The following NRXN1 variants were observed in gnomAD, a reference collection of about 807,000 sequenced individuals.
NRXN1 encodes neurexin 1.
In NRXN1, 39 loss-of-function variants were observed where a neutral mutation model predicts 150.9. The observed-to-expected ratio is 0.26, with a 90% CI of 0.20 to 0.34. The LOEUF is 0.34. Among genes scored for constraint, NRXN1 ranks in the 10% least tolerant of loss-of-function variants. The probability of loss-of-function intolerance (pLI) is 1.00; values close to 1 mark genes in which losing one functional copy is unlikely to be tolerated. For missense variants in NRXN1, 1,815 were observed against 1,949.9 expected, an observed-to-expected ratio of 0.93 and a Z score of 1.30; for synonymous variants, 924 against 757.0, an observed-to-expected ratio of 1.22 and a Z score of -3.62.
At chr2:50,325,943 A>G (rs752928929) in intron 17 of NRXN1, among the ~76,000 whole-genome samples, 12 of 152,220 alleles carry the variant, frequency 7.9e-5, no homozygotes, top group Non-Finnish European at 1.0e-4. Flanking sequence ...TAACATTTCA[A>G]AAGAAAACAA....
At chr2:50,161,397 G>C (rs1051961003) in intron 18 of NRXN1, among the ~76,000 whole-genome samples, 1 of 151,992 alleles carries the variant, frequency 6.6e-6, no homozygotes, top group Non-Finnish European at 1.5e-5. Context: ...AAGCAGCCCA[G>C]TATTTCCAGC....
intron 15 of NRXN1, among the ~76,000 whole-genome samples, chr2:50,478,586 G>C (rs569515222): frequency 2.0e-5 from 3 of 152,226 alleles, no homozygotes; most frequent in South Asian, 4.1e-4. Flanking sequence ...ATACATCTTA[G>C]TCTCCCTTGG....
At chr2:51,012,073 C>G (rs529375320) in intron 2 of NRXN1, among the ~76,000 whole-genome samples, 1 of 151,992 alleles carries the variant, frequency 6.6e-6, no homozygotes, top group Admixed American at 6.6e-5. Flanking sequence ...GTCTACCAGC[C>G]CACCCCACTA....
chr2:50,149,401 A>T (rs2058567246), intron 18 of NRXN1, among the ~76,000 whole-genome samples: 1 of 151,778 alleles, frequency 6.6e-6, no homozygotes, highest in Non-Finnish European at 1.5e-5. Context: ...AATAACTCAG[A>T]GAACTGATCT....
intron 17 of NRXN1, among the ~76,000 whole-genome samples, chr2:50,277,244 T>C (rs2070616188): frequency 6.6e-6 from 1 of 152,204 alleles, no homozygotes; most frequent in Non-Finnish European, 1.5e-5. Context: ...TTAAGAATTC[T>C]GACTTTTTCT....
chr2:50,647,299 A>T (rs1684967110), intron 5 of NRXN1, among the ~76,000 whole-genome samples: 1 of 151,970 alleles, frequency 6.6e-6, no homozygotes, highest in South Asian at 2.1e-4. Context: ...CAGGAGACAG[A>T]TATAAGGCAT....
intron 17 of NRXN1, among the ~76,000 whole-genome samples, chr2:50,370,977 A>G (rs959032248): frequency 6.6e-6 from 1 of 152,034 alleles, no homozygotes; most frequent in Non-Finnish European, 1.5e-5. Context: ...GATACTAAGG[A>G]ACTGCCGGTA....
intron 17 of NRXN1, among the ~76,000 whole-genome samples, chr2:50,443,263 G>T (rs977017773): frequency 3.9e-5 from 6 of 152,144 alleles, no homozygotes; most frequent in Admixed American, 1.3e-4. Flanking sequence ...TAGATAAGCA[G>T]GATAAGACAG....
In NRXN1 at chr2:51,026,728, C is replaced by T. The variant is rs905824110; in HGVS notation, c.772+774G>A. Among the ~76,000 whole-genome samples the T allele has an allele frequency of 2.6e-5, 4 of 152,130 alleles. No homozygotes were observed. The South Asian group carries it at 8.3e-4, about 32-fold the overall frequency. On this transcript the variant is annotated intron_variant, in intron 2 of 22. Transcript: ENST00000401669. ...ATAAGGCATTTGTTAATTAAGAAAT[C>T]TTATTTAATCTCTAACATTTTTAAA...
chr2:50,436,892 A>C (rs1038504403), intron 17 of NRXN1, among the ~76,000 whole-genome samples: 1 of 152,174 alleles, frequency 6.6e-6, no homozygotes, highest in Admixed American at 6.5e-5. Flanking sequence ...AAGAATGCTT[A>C]TACTAGATTA....
At chr2:50,805,215 GA>G (rs1667355234) in intron 5 of NRXN1, among the ~76,000 whole-genome samples, 1 of 151,428 alleles carries the variant, frequency 6.6e-6, no homozygotes, top group African/African-American at 2.4e-5. Context: ...AAATTACCAT[GA>G]AAAAGTAAAA....
At chr2:50,094,157 A>C (rs1249717074) in intron 18 of NRXN1, among the ~76,000 whole-genome samples, 1 of 152,214 alleles carries the variant, frequency 6.6e-6, no homozygotes, top group Non-Finnish European at 1.5e-5. Context: ...TTTTTGTTTC[A>C]GTTTCAGCTG....
At chr2:49,973,919 G>A (rs761775455) in intron 21 of NRXN1, 5 of 702,096 alleles carry the variant, frequency 7.1e-6, no homozygotes, top group East Asian at 2.7e-5. Context: ...AACCCTGCAT[G>A]CTGCAGATCT....
chr2:50,615,838 A>G (rs1678970586), intron 8 of NRXN1: 2 of 152,140 alleles, frequency 1.3e-5, no homozygotes, highest in African/African-American at 4.8e-5. Context: ...AGTCACTCAA[A>G]AACTGCTTGT....
At chr2:50,850,062 A>AAC (rs1674284858) in intron 5 of NRXN1, among the ~76,000 whole-genome samples, 1 of 151,906 alleles carries the variant, frequency 6.6e-6, no homozygotes, top group Admixed American at 6.6e-5. Context: ...AGAAAAATTA[A>AAC]AGAAAAAAAA....
At chr2:50,505,963 T>C (rs2092200385) in intron 13 of NRXN1, among the ~76,000 whole-genome samples, 1 of 152,144 alleles carries the variant, frequency 6.6e-6, no homozygotes, top group South Asian at 2.1e-4. Flanking sequence ...CTCAGGAATC[T>C]AAAAATGGGG....
At chr2:50,722,776 C>A (rs368935387) in intron 5 of NRXN1, among the ~76,000 whole-genome samples, 3 of 152,212 alleles carry the variant, frequency 2.0e-5, no homozygotes, top group Non-Finnish European at 1.5e-5. Context: ...GAAATTCTTT[C>A]GAATTGGGGA....
At chr2:50,481,624 A>C (rs566154710) in intron 15 of NRXN1, among the ~76,000 whole-genome samples, 11 of 152,302 alleles carry the variant, frequency 7.2e-5, no homozygotes, top group African/African-American at 2.4e-4. Context: ...ACGTGGGACA[A>C]GTTGGGGAGG....
chr2:50,125,735 A>C lies in NRXN1; in HGVS notation c.3547-34241T>G, dbSNP rs565175934. Among the ~76,000 whole-genome samples, 4 of 152,274 alleles carry C rather than the reference A, an allele frequency of 2.6e-5. No individual in the cohort carries two copies. The South Asian group carries it at 8.3e-4, about 32-fold the overall frequency. On this transcript the variant is annotated intron_variant, in intron 18 of 22. Coordinates refer to ENST00000401669, the MANE Select transcript of NRXN1 (RefSeq NM_001330078.2). ...GTAGATGGGATAGAGATTAGCAATAAAGAAAATTAAGGAAAAGAAAATGAA... is the reference window on the plus strand; with the variant it reads ...GTAGATGGGATAGAGATTAGCAATACAGAAAATTAAGGAAAAGAAAATGAA...
Sources: allele counts gnomAD v4.1 joint callset (sites outside exome capture counted in the v4.1 genomes callset), GRCh38; gene constraint gnomAD v4.1.1; transcripts MANE v1.5; gene names NCBI Gene and HGNC (gene_info 2026-07-23, HGNC 2026-07-21).